The following NBAS variants were observed in gnomAD, a reference collection of about 807,000 sequenced individuals.
NBAS encodes NBAS subunit of NRZ tethering complex, also known as NAG/BC035112 fusion.
Under a neutral mutation model 302.5 loss-of-function variants are expected in NBAS, and 219 were observed. That is an observed-to-expected ratio of 0.72 (90% CI 0.65 to 0.81). The LOEUF is 0.81. Among genes scored for constraint, NBAS ranks in the 30% least tolerant of loss-of-function variants. The probability of loss-of-function intolerance (pLI) is 0.00; values close to 1 mark genes in which losing one functional copy is unlikely to be tolerated. For synonymous variants in NBAS, 1,118 were observed against 1,021.6 expected, an observed-to-expected ratio of 1.09 and a Z score of -1.80; for missense variants, 2,932 against 2,841.6, an observed-to-expected ratio of 1.03 and a Z score of -0.72.
At chr2:14,786,122 G>C in the NBAS span, among the ~76,000 whole-genome samples, 4 of 152,178 alleles carry the variant, frequency 2.6e-5, no homozygotes, top group African/African-American at 9.7e-5. Flanking sequence ...GGTGTTTGTA[G>C]TATTCTCTGA....
chr2:14,903,849 C>A, the NBAS span, among the ~76,000 whole-genome samples: 1 of 152,030 alleles, frequency 6.6e-6, no homozygotes, highest in African/African-American at 2.4e-5. Flanking sequence ...CCCCCTGTCA[C>A]ACCTGATGGG....
At chr2:15,405,872 A>G (rs997774522) in intron 25 of NBAS, among the ~76,000 whole-genome samples, 3 of 152,138 alleles carry the variant, frequency 2.0e-5, no homozygotes, top group African/African-American at 4.8e-5. Flanking sequence ...TGTGCAAAAC[A>G]TCTAAGAGGA....
At chr2:14,815,733 A>G in the NBAS span, among the ~76,000 whole-genome samples, 11 of 152,180 alleles carry the variant, frequency 7.2e-5, no homozygotes, top group Non-Finnish European at 1.2e-4. Context: ...TACAGGACAT[A>G]TTAATCTGGA....
At chr2:14,825,738 G>C in the NBAS span, among the ~76,000 whole-genome samples, 1 of 152,148 alleles carries the variant, frequency 6.6e-6, no homozygotes, top group Admixed American at 6.5e-5. Flanking sequence ...GTTAAATTGG[G>C]GGAAAGGTAG....
chr2:14,868,888 G>A, the NBAS span, among the ~76,000 whole-genome samples: 1 of 152,204 alleles, frequency 6.6e-6, no homozygotes, highest in Non-Finnish European at 1.5e-5. Flanking sequence ...TGGTGCTCAT[G>A]AGCCAGACTG....
At chr2:14,989,428 C>T in the NBAS span, among the ~76,000 whole-genome samples, 1 of 151,968 alleles carries the variant, frequency 6.6e-6, no homozygotes, top group African/African-American at 2.4e-5. Context: ...CTTGGTGGCG[C>T]ATGCCTATAG....
chr2:15,380,255 C>A (rs2148375036), intron 29 of NBAS, among the ~76,000 whole-genome samples: 1 of 152,074 alleles, frequency 6.6e-6, no homozygotes, highest in Non-Finnish European at 1.5e-5. Flanking sequence ...TTTTAATTTT[C>A]ATTTTTAATA....
chr2:15,382,847 G>C (rs868271221), intron 29 of NBAS, among the ~76,000 whole-genome samples: 2 of 152,232 alleles, frequency 1.3e-5, no homozygotes, highest in Middle Eastern at 6.8e-3. Context: ...TTGGAAGTAG[G>C]GAAACAAGTA....
chr2:15,141,094 A>G, the NBAS span, among the ~76,000 whole-genome samples: 1 of 152,048 alleles, frequency 6.6e-6, no homozygotes, highest in African/African-American at 2.4e-5. Context: ...CTTTCTTGAG[A>G]TTTTTTAGGA....
chr2:15,221,194 C>T (rs1310875593), intron 47 of NBAS, among the ~76,000 whole-genome samples: 2 of 152,116 alleles, frequency 1.3e-5, no homozygotes, highest in East Asian at 1.9e-4. Context: ...ACGGGAAGAC[C>T]GTTAAAAAAA....
the NBAS span, among the ~76,000 whole-genome samples, chr2:14,924,037 C>T: frequency 3.3e-5 from 5 of 152,196 alleles, no homozygotes; most frequent in East Asian, 3.8e-4. Context: ...CACTTGGAAG[C>T]TCTCTCTAAA....
the NBAS span, among the ~76,000 whole-genome samples, chr2:15,140,595 A>G: frequency 6.6e-6 from 1 of 152,216 alleles, no homozygotes; most frequent in Admixed American, 6.5e-5. Flanking sequence ...TGGTAAATAT[A>G]AAGGAATGCT....
At chr2:15,330,249 A>G (rs1444184591) in intron 36 of NBAS, among the ~76,000 whole-genome samples, 1 of 152,194 alleles carries the variant, frequency 6.6e-6, no homozygotes, top group East Asian at 1.9e-4. Flanking sequence ...CTCCTTCCTG[A>G]GAGCCCCCAG....
the NBAS span, among the ~76,000 whole-genome samples, chr2:14,988,580 A>C: frequency 6.6e-6 from 1 of 152,206 alleles, no homozygotes; most frequent in Admixed American, 6.5e-5. Flanking sequence ...AATTATAAGA[A>C]ATACCAGGAA....
the NBAS span, among the ~76,000 whole-genome samples, chr2:15,057,721 C>T: frequency 2.2e-4 from 34 of 152,306 alleles, 1 homozygote; most frequent in Non-Finnish European, 5.0e-4. Context: ...ATAATAGTCT[C>T]TAATCTCATT....
chr2:15,021,646 A>G, the NBAS span, among the ~76,000 whole-genome samples: 2,203 of 96,886 alleles, frequency 0.023, 64 homozygotes, highest in African/African-American at 0.094. Flanking sequence ...CTGAAGGGGC[A>G]TGAAGACTTC....
intron 12 of NBAS, among the ~76,000 whole-genome samples, chr2:15,485,481 C>A (rs1680585307): frequency 6.6e-6 from 1 of 152,124 alleles, no homozygotes; most frequent in African/African-American, 2.4e-5. Context: ...TTATGTATTT[C>A]TTTCCCACAC....
chr2:15,134,985 C>A, the NBAS span, among the ~76,000 whole-genome samples: 1 of 152,082 alleles, frequency 6.6e-6, no homozygotes, highest in Admixed American at 6.5e-5. Context: ...TACATATTCT[C>A]CTAATTAGGG....
chr2:15,558,897 C>T (rs1440842944), intron 1 of NBAS, among the ~76,000 whole-genome samples: 1 of 151,634 alleles, frequency 6.6e-6, no homozygotes, highest in Non-Finnish European at 1.5e-5. Flanking sequence ...GGCAAAACCT[C>T]ATCTCTACAA....
Sources: allele counts gnomAD v4.1 joint callset (sites outside exome capture counted in the v4.1 genomes callset), GRCh38; gene constraint gnomAD v4.1.1; transcripts MANE v1.5; gene names NCBI Gene and HGNC (gene_info 2026-07-23, HGNC 2026-07-21).